Variants in PPP1CB observed in about 807,000 individuals in gnomAD.
PPP1CB encodes the protein protein phosphatase 1 catalytic subunit beta.
In PPP1CB, 2 loss-of-function variants were observed where a neutral mutation model predicts 43.7. The observed-to-expected ratio is 0.05, with a 90% CI of 0.02 to 0.14. The LOEUF is 0.14. Ranked by LOEUF, PPP1CB falls within the 10% of genes least tolerant of loss-of-function variation. The pLI, the probability that PPP1CB is intolerant of heterozygous loss-of-function variation, is 1.00. For synonymous variants in PPP1CB, 136 were observed against 135.6 expected (o/e 1.00, Z -0.02); for missense variants, 84 against 398.0 (o/e 0.21, Z 6.71).
At chr2:28,791,392 AC>A (rs1324963362) in intron 6 of PPP1CB, among the ~76,000 whole-genome samples, 1 of 151,502 alleles carries the variant, frequency 6.6e-6, no homozygotes, top group Non-Finnish European at 1.5e-5. Context: ...GTGCAGTGGC[AC>A]CATCTCGGCT....
intron 1 of PPP1CB, among the ~76,000 whole-genome samples, chr2:28,768,044 T>G (rs773878934): frequency 2.6e-5 from 4 of 152,170 alleles, no homozygotes; most frequent in Non-Finnish European, 5.9e-5. Flanking sequence ...TGACAAGTCA[T>G]TCCTCAATTT....
In PPP1CB at chr2:28,752,101, G is replaced by A; in HGVS notation, c.-24G>A. 1 of 1,550,082 alleles carries A rather than the reference G, an allele frequency of 6.5e-7. No individual in the cohort carries two copies. Among genetic ancestry groups the A allele is most frequent in the Non-Finnish European group, 8.7e-7 (1 of 1,146,138 alleles). ...CGAGAAGCCCTTGTTCCCGCTGCTG[G>A]GAAGGAGAGTCTGTGCCGACAAGAT... is the stretch of plus-strand genomic sequence containing the variant. On this transcript the variant is annotated 5_prime_UTR_variant, in exon 1 of 8. Coordinates refer to ENST00000395366, the MANE Select transcript of PPP1CB (RefSeq NM_002709.3).
intron 6 of PPP1CB, among the ~76,000 whole-genome samples, chr2:28,789,593 ATTTTTTTTTTT>A: frequency 1.0e-5 from 1 of 96,540 alleles, no homozygotes; most frequent in East Asian, 2.4e-4. Context: ...TATGATTTAG[ATTTTTTTTTTT>A]TTTTTTTTTT....
At chr2:28,762,549 G>C (rs144223120) in intron 1 of PPP1CB, among the ~76,000 whole-genome samples, 7 of 152,146 alleles carry the variant, frequency 4.6e-5, no homozygotes, top group Non-Finnish European at 8.8e-5. Context: ...TTTAATAGCT[G>C]TTCTAGATAA....
At chr2:28,754,405 T>C (rs1666431731) in intron 1 of PPP1CB, among the ~76,000 whole-genome samples, 1 of 152,010 alleles carries the variant, frequency 6.6e-6, no homozygotes, top group Admixed American at 6.6e-5. Flanking sequence ...TTAGCAAGCG[T>C]TAACAAGTTG....
At chr2:28,777,050 A>G in intron 2 of PPP1CB, 68 bp downstream of exon 2, 1 of 1,530,510 alleles carries the variant, frequency 6.5e-7, no homozygotes, top group Non-Finnish European at 8.9e-7. Context: ...TTTAAGATCT[A>G]GAGAAAACAT....
At chr2:28,763,329 A>G (rs1425554473) in intron 1 of PPP1CB, among the ~76,000 whole-genome samples, 1 of 152,206 alleles carries the variant, frequency 6.6e-6, no homozygotes, top group Non-Finnish European at 1.5e-5. Context: ...GTGTGTTGCA[A>G]TGAACAACAC....
intron 1 of PPP1CB, among the ~76,000 whole-genome samples, chr2:28,771,675 A>G (rs1666916887): frequency 6.6e-6 from 1 of 152,190 alleles, no homozygotes; most frequent in African/African-American, 2.4e-5. Flanking sequence ...TCAACTGGGT[A>G]TCTGCTTAGA....
Position 28,752,044 on chromosome 2 carries a change from G to A in PPP1CB, c.-81G>A. ...AACGCCGCGTGACTTGTAGGTGAGA[G>A]AACGCCGAGCCGTCGCCGCAGCCTC... is the stretch of plus-strand genomic sequence containing the variant. On this transcript the variant is annotated 5_prime_UTR_variant, in exon 1 of 8. Transcript: ENST00000395366. 15 of 1,383,854 alleles carry A rather than the reference G, an allele frequency of 1.1e-5. No individual in the cohort carries two copies. The highest frequency in any genetic ancestry group is 1.5e-5 in the Non-Finnish European group (15 of 995,334). 85.7% of individuals were successfully genotyped at this position (1,383,854 alleles called of 1,614,324 possible). A position where few individuals can be genotyped will look rare whatever the true frequency, so the allele number is the denominator to read the frequency against.
chr2:28,799,659 T>C lies in PPP1CB; in HGVS notation c.*356T>C, dbSNP rs564692456. ...ATCCATCTGTGTAATGTGGTTTTAG[T>C]GTTGCTTGGTTGTTTAATTATTTTG... On this transcript the variant is annotated 3_prime_UTR_variant, in exon 8 of 8. Transcript: ENST00000395366. The C allele has an allele frequency of 2.2e-5, 4 of 178,174 alleles. No individual in the cohort carries two copies. Among genetic ancestry groups the C allele is most frequent in the Non-Finnish European group, 4.7e-5 (4 of 85,308 alleles). 11.0% of individuals were successfully genotyped at this position (178,174 alleles called of 1,614,324 possible).
chr2:28,782,277 A>G (rs1667171514), intron 4 of PPP1CB, among the ~76,000 whole-genome samples: 1 of 152,184 alleles, frequency 6.6e-6, no homozygotes, highest in Non-Finnish European at 1.5e-5. Context: ...ATAATAAAAT[A>G]ATCTTTGGCA....
intron 1 of PPP1CB, among the ~76,000 whole-genome samples, chr2:28,753,034 G>T (rs1056310723): frequency 1.3e-5 from 2 of 152,186 alleles, no homozygotes; most frequent in Non-Finnish European, 2.9e-5. Context: ...GGAAGGCAAG[G>T]GGGGAAAACG....
chr2:28,753,058 G>C (rs1310193278), intron 1 of PPP1CB, among the ~76,000 whole-genome samples: 1 of 152,224 alleles, frequency 6.6e-6, no homozygotes, highest in Non-Finnish European at 1.5e-5. Context: ...AGGTGGACTA[G>C]CCGGGAGTTA....
intron 6 of PPP1CB, among the ~76,000 whole-genome samples, chr2:28,791,155 CACTT>C (rs1243186527): frequency 3.9e-5 from 6 of 152,152 alleles, no homozygotes; most frequent in Non-Finnish European, 7.3e-5. Context: ...CTCCCCATGA[CACTT>C]ACTACTGCTG....
intron 1 of PPP1CB, among the ~76,000 whole-genome samples, chr2:28,753,531 C>T (rs1219690124): frequency 6.6e-6 from 1 of 152,178 alleles, no homozygotes; most frequent in Non-Finnish European, 1.5e-5. Context: ...TCAAGTTATT[C>T]CTGGGAGGCC....
chr2:28,755,332 G>A (rs538262722), intron 1 of PPP1CB, among the ~76,000 whole-genome samples: 15 of 152,136 alleles, frequency 9.9e-5, no homozygotes, highest in African/African-American at 1.4e-4. Context: ...GTGCCACCGC[G>A]CCTGACCTTG....
At position 28,793,860 on chromosome 2, in the gene PPP1CB, C is replaced by T. The variant is rs755702703; in HGVS notation, c.745-3C>T. The T allele has an allele frequency of 6.2e-7, 1 of 1,613,434 alleles. No homozygotes were observed. The highest frequency in any genetic ancestry group is 8.5e-7 in the Non-Finnish European group (1 of 1,179,542). ...TTTTTTCTTCTGACATTTCCTTTGA[C>T]AGGTGGTGGAAGATGGATATGAATT... On this transcript the variant is annotated splice_region_variant and splice_polypyrimidine_tract_variant and intron_variant, in intron 6 of 7. Coordinates refer to ENST00000395366, the MANE Select transcript of PPP1CB (RefSeq NM_002709.3).
intron 1 of PPP1CB, among the ~76,000 whole-genome samples, chr2:28,762,834 T>C (rs1472106343): frequency 1.3e-5 from 2 of 152,240 alleles, no homozygotes; most frequent in Admixed American, 1.3e-4. Flanking sequence ...AAATGACATT[T>C]GTTAATGTTA....
At position 28,774,489 on chromosome 2, in the gene PPP1CB, G is replaced by A. The variant is rs531543907; in HGVS notation, c.53-2362G>A. ...CTCCCAGGCTGGAGTGCTGTGGTGC[G>A]ATCTCGGCTCACTGCAACCTCCACC... On this transcript the variant is annotated intron_variant, in intron 1 of 7. Coordinates refer to ENST00000395366, the MANE Select transcript of PPP1CB (RefSeq NM_002709.3). Among the ~76,000 whole-genome samples, 8 of 152,118 alleles carry A rather than the reference G, an allele frequency of 5.3e-5. No homozygotes were observed. In the South Asian group the frequency reaches 1.5e-3, roughly 28 times the overall value.
Sources: gnomAD v4.1 joint callset for allele counts (sites outside exome capture counted in the v4.1 genomes callset) on GRCh38, gnomAD v4.1.1 for gene constraint, MANE v1.5 for transcripts, NCBI Gene and HGNC (gene_info 2026-07-23, HGNC 2026-07-21) for gene names.